The following ACP6 variants were observed in gnomAD, a reference collection of about 807,000 sequenced individuals.
ACP6 encodes the protein lysophosphatidic acid phosphatase type 6.
Under a neutral mutation model 48.1 loss-of-function variants are expected in ACP6, and 48 were observed. The ratio of observed to expected loss-of-function variants is 1.00; its 90% confidence interval spans 0.79 to 1.27. The LOEUF is 1.27. Among genes scored for constraint, ACP6 ranks in the 50% most tolerant of loss-of-function variants. ACP6 has a pLI of 0.00. For missense variants in ACP6, 485 were observed against 529.1 expected (o/e 0.92, Z 0.82); for synonymous variants, 172 against 204.2 (o/e 0.84, Z 1.34).
chr1:147,666,310 G>A (rs1660795859), intron 1 of ACP6, among the ~76,000 whole-genome samples: 1 of 152,184 alleles, frequency 6.6e-6, no homozygotes, highest in Non-Finnish European at 1.5e-5. Flanking sequence ...CTTTTCAGCA[G>A]TCACAGCAAT....
chr1:147,633,753 T>C (rs1192694846), intron 5 of ACP6, among the ~76,000 whole-genome samples: 3 of 152,156 alleles, frequency 2.0e-5, no homozygotes, highest in Non-Finnish European at 4.4e-5. Context: ...AACTTTTCTA[T>C]CAAAAGCAAA....
downstream of ACP6, among the ~76,000 whole-genome samples, chr1:147,638,932 C>T (rs909069787): frequency 6.6e-6 from 1 of 152,214 alleles, no homozygotes; most frequent in Non-Finnish European, 1.5e-5. Flanking sequence ...ACACGGGCCA[C>T]CACAGCCTTG....
At chr1:147,637,944 T>A (rs587662391), downstream of ACP6, among the ~76,000 whole-genome samples, 2 of 152,322 alleles carry the variant, frequency 1.3e-5, no homozygotes, top group South Asian at 4.1e-4. Flanking sequence ...TTTATGCAAA[T>A]CTTTGAAAAA....
rs1252882712 is a variant in ACP6, at chr1:147,669,964, C to T, written c.85G>A (p.Val29Met). 1 of 1,550,016 alleles carries T rather than the reference C, an allele frequency of 6.5e-7. No individual in the cohort carries two copies. Among genetic ancestry groups the T allele is most frequent in the Non-Finnish European group, 8.7e-7 (1 of 1,147,110 alleles). The part of the protein sequence containing the change: ...SLAYCLHQRR[V>M]ALAELQEADG... ...GCCTCCTGCAGCTCGGCCAGGGCCA[C>T]CCGCCGCTGGTGCAGGCAGTACGCC... The change falls in exon 1 of 10, where the codon GTG becomes ATG. Residue 29 changes from valine (V) to methionine (M), a missense_variant. By Grantham distance (21) the Val-to-Met change is conservative. Transcript: ENST00000583509.
Position 147,644,549 on chromosome 1 carries a change from G to A in ACP6, c.*2874C>T, listed in dbSNP as rs1297526422. On this transcript the variant is annotated 3_prime_UTR_variant, in exon 10 of 10. Coordinates refer to ENST00000583509, the MANE Select transcript of ACP6 (RefSeq NM_016361.5). ...GGGCAGAAACAGGAAGACTAGTTAC[G>A]AGGCCTTTACAATAATCCAGGTAAA... 1.3e-5 allele frequency: 2 copies of A among 152,234 alleles called. No homozygotes were observed. The highest frequency in any genetic ancestry group is 2.9e-5 in the Non-Finnish European group (2 of 68,068). 9.4% of individuals were successfully genotyped at this position (152,234 alleles called of 1,614,324 possible).
intron 5 of ACP6, among the ~76,000 whole-genome samples, chr1:147,632,021 G>T (rs587650803): frequency 2.0e-5 from 3 of 152,002 alleles, no homozygotes; most frequent in Admixed American, 6.5e-5. Flanking sequence ...TATCTCCAGC[G>T]TGCCAAGGCC....
intron 4 of ACP6, among the ~76,000 whole-genome samples, chr1:147,658,226 G>A (rs1474049978): frequency 6.6e-6 from 1 of 152,188 alleles, no homozygotes; most frequent in Non-Finnish European, 1.5e-5. Context: ...AAAATGTGAT[G>A]GAAATTTTGT....
rs1553214656 is a variant in ACP6, at chr1:147,670,454, T to TG, written c.-407_-406insC. 1 of 160,896 alleles carries TG rather than the reference T, an allele frequency of 6.2e-6. No homozygotes were observed. Among genetic ancestry groups the TG allele is most frequent in the African/African-American group, 2.4e-5 (1 of 41,768 alleles). The allele number at this position is 160,896 out of a possible 1,614,324, so 10.0% of individuals were successfully genotyped here. On this transcript the variant is annotated 5_prime_UTR_variant, in exon 1 of 10. Transcript: ENST00000583509. Reference sequence around the variant, plus strand: ...CGGCAGCGGCTCCACCAGCAAGGACTACTCGATTCCACTTTTCTATAAGCA... The same window carrying TG: ...CGGCAGCGGCTCCACCAGCAAGGACTGACTCGATTCCACTTTTCTATAAGCA...
Position 147,650,667 on chromosome 1 carries a change from T to C in ACP6, c.882-429A>G, listed in dbSNP as rs139896656. ...AGAACATCCTTAATTTTGTTTCCTA[T>C]GTGCCAGCCTTCCTTCTTTTGGAGT... On this transcript the variant is annotated intron_variant, in intron 7 of 9. Coordinates refer to ENST00000583509, the MANE Select transcript of ACP6 (RefSeq NM_016361.5). 721 of 155,566 alleles carry C rather than the reference T, an allele frequency of 4.6e-3. 8 individuals carry two copies. Among genetic ancestry groups the C allele is most frequent in the African/African-American group, 0.017 (689 of 41,742 alleles). 9.6% of individuals were successfully genotyped at this position (155,566 alleles called of 1,614,324 possible).
chr1:147,668,261 A>C (rs1282177071), intron 1 of ACP6, among the ~76,000 whole-genome samples: 1 of 152,166 alleles, frequency 6.6e-6, no homozygotes, highest in African/African-American at 2.4e-5. Flanking sequence ...TTCAGATGCT[A>C]TTTTGTGGCT....
chr1:147,670,152 T>C lies in ACP6; in HGVS notation c.-104A>G. On this transcript the variant is annotated 5_prime_UTR_variant, in exon 1 of 10. Coordinates refer to ENST00000583509, the MANE Select transcript of ACP6 (RefSeq NM_016361.5). ...GGGCGCCCCCAAGTCCGCGGGAACC[T>C]GCGGATGCGTACATCCAGCCCTTCA... 4 of 1,074,424 alleles carry C rather than the reference T, an allele frequency of 3.7e-6. No individual in the cohort carries two copies. The highest frequency in any genetic ancestry group is 1.6e-5 in the African/African-American group (1 of 62,866). 66.6% of individuals were successfully genotyped at this position (1,074,424 alleles called of 1,614,324 possible).
In ACP6 at chr1:147,645,346, C is replaced by T. The variant is rs1659583229; in HGVS notation, c.*2077G>A. ...TCAGGTGATCTGCCTGCCTTGGCCTCCCAAAGTGCTGGGATTACAGGCGTG... is the reference window on the plus strand; with the variant it reads ...TCAGGTGATCTGCCTGCCTTGGCCTTCCAAAGTGCTGGGATTACAGGCGTG... On this transcript the variant is annotated 3_prime_UTR_variant, in exon 10 of 10. Transcript: ENST00000583509. 6.6e-6 allele frequency: 1 copy of T among 152,138 alleles called. No homozygotes were observed. Among genetic ancestry groups the T allele is most frequent in the Non-Finnish European group, 1.5e-5 (1 of 68,032 alleles). 9.4% of individuals were successfully genotyped at this position (152,138 alleles called of 1,614,324 possible).
Position 147,647,087 on chromosome 1 carries a change from A to G in ACP6, c.*336T>C. ...TTATAATGATCACTACTTAGTAGGTAGCTCAATACATGTGAAATTAATATA... is the reference window on the plus strand; with the variant it reads ...TTATAATGATCACTACTTAGTAGGTGGCTCAATACATGTGAAATTAATATA... On this transcript the variant is annotated 3_prime_UTR_variant, in exon 10 of 10. Transcript: ENST00000583509. 1 of 259,422 alleles carries G rather than the reference A, an allele frequency of 3.9e-6. No homozygotes were observed. Among genetic ancestry groups the G allele is most frequent in the Non-Finnish European group, 7.6e-6 (1 of 131,976 alleles). The allele number at this position is 259,422 out of a possible 1,614,324, so 16.1% of individuals were successfully genotyped here. A position where few individuals can be genotyped will look rare whatever the true frequency, so the allele number is the denominator to read the frequency against.
chr1:147,630,284 C>G (rs781839295), exon 6 of ACP6: 1 of 152,154 alleles, frequency 6.6e-6, no homozygotes, highest in Non-Finnish European at 1.5e-5. Flanking sequence ...GGGGCTGACC[C>G]GCAGCTCTGT....
At chr1:147,647,708 G>A (rs1382323314) in intron 9 of ACP6, 142 bp from the exon 10 acceptor site, 6 of 1,084,212 alleles carry the variant, frequency 5.5e-6, no homozygotes, top group South Asian at 1.7e-5. Context: ...CCCACTACCC[G>A]GTGAGCTTCC....
At chr1:147,653,365 G>A (rs1295775332) in intron 6 of ACP6, among the ~76,000 whole-genome samples, 1 of 151,768 alleles carries the variant, frequency 6.6e-6, no homozygotes, top group Non-Finnish European at 1.5e-5. Context: ...TCCTGACCTT[G>A]TGATCCTCCC....
chr1:147,660,406 C>T (rs1355976180), intron 1 of ACP6, among the ~76,000 whole-genome samples: 2 of 152,206 alleles, frequency 1.3e-5, no homozygotes, highest in African/African-American at 4.8e-5. Flanking sequence ...AAAACTCTGA[C>T]ACTCATTGAG....
At chr1:147,637,682 CTCA>C (rs2101643199), downstream of ACP6, among the ~76,000 whole-genome samples, 1 of 152,292 alleles carries the variant, frequency 6.6e-6, no homozygotes, top group African/African-American at 2.4e-5. Context: ...GAACAAATCC[CTCA>C]CTAAAACCCC....
At chr1:147,660,289 T>C (rs1660481487) in intron 1 of ACP6, among the ~76,000 whole-genome samples, 1 of 152,224 alleles carries the variant, frequency 6.6e-6, no homozygotes, top group African/African-American at 2.4e-5. Flanking sequence ...ATGTTGCTTT[T>C]TCATCATCTT....
Sources: gnomAD v4.1 joint callset for allele counts (sites outside exome capture counted in the v4.1 genomes callset) on GRCh38, gnomAD v4.1.1 for gene constraint, MANE v1.5 for transcripts, NCBI Gene and HGNC (gene_info 2026-07-23, HGNC 2026-07-21) for gene names.